The following AXDND1 variants were observed in gnomAD, a reference collection of about 807,000 sequenced individuals.
AXDND1 encodes axonemal dynein light chain domain-containing protein 1.
AXDND1 carries 110 observed loss-of-function variants against 137.5 expected under a neutral mutation model. That is an observed-to-expected ratio of 0.80 (90% confidence interval 0.69 to 0.94). AXDND1 has a LOEUF of 0.94. AXDND1 is among the 40% of genes least tolerant of loss of function. AXDND1 has a pLI of 0.00. For missense variants in AXDND1, 1,191 were observed against 1,169.8 expected (o/e 1.02, Z -0.26); for synonymous variants, 414 against 399.7 (o/e 1.04, Z -0.43).
At chr1:179,538,012 T>G (rs562632953) in intron 25 of AXDND1, among the ~76,000 whole-genome samples, 1 of 152,360 alleles carries the variant, frequency 6.6e-6, no homozygotes, top group African/African-American at 2.4e-5. Flanking sequence ...GATGGTAGTT[T>G]GTATTTCTGT....
intron 20 of AXDND1, among the ~76,000 whole-genome samples, chr1:179,501,323 T>C (rs866253183): frequency 1.3e-5 from 2 of 152,174 alleles, no homozygotes; most frequent in African/African-American, 4.8e-5. Context: ...TGGACAACTA[T>C]GTCAATGGAA....
Position 179,483,233 on chromosome 1 carries a change from TA to T in AXDND1, c.2091+14del. 1 of 1,567,638 alleles carries T rather than the reference TA, an allele frequency of 6.4e-7. No homozygotes were observed. The highest frequency in any genetic ancestry group is 8.7e-7 in the Non-Finnish European group (1 of 1,152,724). On this transcript the variant is annotated intron_variant, in intron 18 of 25. Transcript: ENST00000367618. ...AACTTCAGCACCACGTATGTACTTG[TA>T]AGGGTTTTTGACGTTATATTTTGCC...
intron 9 of AXDND1, among the ~76,000 whole-genome samples, chr1:179,385,669 C>T (rs1649082580): frequency 6.6e-6 from 1 of 152,146 alleles, no homozygotes; most frequent in Non-Finnish European, 1.5e-5. Context: ...CCATACAGGG[C>T]CATTGCGGGG....
intron 6 of AXDND1, among the ~76,000 whole-genome samples, chr1:179,381,343 ATT>A (rs34030931): frequency 5.9e-4 from 63 of 106,166 alleles, no homozygotes; most frequent in Non-Finnish European, 4.1e-4. Flanking sequence ...CACATGGCTG[ATT>A]TTTTTTTTTT....
chr1:179,510,785 G>A (rs1436468709), intron 21 of AXDND1, among the ~76,000 whole-genome samples: 2 of 152,082 alleles, frequency 1.3e-5, no homozygotes, highest in Middle Eastern at 3.2e-3. Flanking sequence ...GGTACAGGTG[G>A]TGTTTGGTTA....
intron 11 of AXDND1, 55 bp from the exon 12 acceptor site, chr1:179,411,091 G>T: frequency 7.5e-7 from 1 of 1,342,072 alleles, no homozygotes. Context: ...AAAAATATAT[G>T]TGTCTATATT....
At chr1:179,456,187 C>A in intron 16 of AXDND1, 3 of 741,362 alleles carry the variant, frequency 4.0e-6, no homozygotes, top group Middle Eastern at 4.0e-4. Flanking sequence ...CCTGTCACTT[C>A]TCTGGATCTC....
rs538209007 is a variant in AXDND1 at position 179,373,589 on chromosome 1, A to G, written c.374+3511A>G. Among the ~76,000 whole-genome samples the G allele has an allele frequency of 2.3e-3, 345 of 152,310 alleles. 1 individual carries two copies. The highest frequency in any genetic ancestry group is 7.4e-3 in the African/African-American group (306 of 41,566). ...TGACTTCAAACTATACTACAAGGCT[A>G]CAGTAACCAAAACAGCATGGTACTG... On this transcript the variant is annotated intron_variant, in intron 4 of 25. Transcript: ENST00000367618.
chr1:179,407,623 G>A (rs984268908), intron 11 of AXDND1, among the ~76,000 whole-genome samples: 1 of 152,088 alleles, frequency 6.6e-6, no homozygotes, highest in Admixed American at 6.5e-5. Flanking sequence ...ATTCCCTTAT[G>A]TGTAACTTGA....
In AXDND1 at chr1:179,528,309, C is replaced by A; in HGVS notation, c.2611-18C>A. On this transcript the variant is annotated intron_variant, in intron 22 of 25. Coordinates refer to ENST00000367618, the MANE Select transcript of AXDND1 (RefSeq NM_144696.6). Reference sequence around the variant, plus strand: ...CTACACCAGCTTGCTAACAGGTCCGCATGTTTCTGTGTTCTAGCAACCTTC... The same window carrying A: ...CTACACCAGCTTGCTAACAGGTCCGAATGTTTCTGTGTTCTAGCAACCTTC... 1 of 1,585,030 alleles carries A rather than the reference C, an allele frequency of 6.3e-7. No homozygotes were observed. The highest frequency in any genetic ancestry group is 1.3e-5 in the African/African-American group (1 of 74,318).
intron 25 of AXDND1, among the ~76,000 whole-genome samples, chr1:179,537,355 T>C (rs1671655023): frequency 2.0e-5 from 3 of 152,220 alleles, no homozygotes; most frequent in African/African-American, 4.8e-5. Context: ...ATAGCTCTTA[T>C]TATCTTGAGA....
At chr1:179,381,943 A>AC (rs768004608) in intron 6 of AXDND1, among the ~76,000 whole-genome samples, 5 of 105,434 alleles carry the variant, frequency 4.7e-5, no homozygotes, top group African/African-American at 7.4e-5. Flanking sequence ...ACCACACCTA[A>AC]TTTTTTTTTT....
intron 7 of AXDND1, 107 bp from the exon 8 acceptor site, chr1:179,383,335 T>C: frequency 1.3e-6 from 1 of 777,524 alleles, no homozygotes; most frequent in South Asian, 1.8e-5. Flanking sequence ...GCCATTAATA[T>C]CCCAGAGAGC....
At chr1:179,517,309 AAC>A (rs1234423635) in intron 21 of AXDND1, among the ~76,000 whole-genome samples, 1 of 152,116 alleles carries the variant, frequency 6.6e-6, no homozygotes, top group Non-Finnish European at 1.5e-5. Context: ...TGCCCCTACT[AAC>A]AGCCTTAAGG....
In AXDND1 at chr1:179,554,537, G is replaced by A. The variant is rs1334364659; in HGVS notation, c.*18G>A. 6.2e-7 allele frequency: 1 copy of A among 1,614,150 alleles called. No homozygotes were observed. Among genetic ancestry groups the A allele is most frequent in the Non-Finnish European group, 8.5e-7 (1 of 1,180,014 alleles). ...GTCACTGAATCCAAGGCAACCTGTG[G>A]AAAGAAGAATTCAGATGTCAGTGGG... On this transcript the variant is annotated 3_prime_UTR_variant, in exon 26 of 26. Coordinates refer to ENST00000367618, the MANE Select transcript of AXDND1 (RefSeq NM_144696.6).
chr1:179,494,432 AT>A (rs1667244711), intron 20 of AXDND1, among the ~76,000 whole-genome samples: 1 of 150,896 alleles, frequency 6.6e-6, no homozygotes, highest in Non-Finnish European at 1.5e-5. Flanking sequence ...TTTAGTATTG[AT>A]TTGTTTGTTT....
At chr1:179,380,207 C>T (rs929959228) in intron 6 of AXDND1, among the ~76,000 whole-genome samples, 1 of 151,684 alleles carries the variant, frequency 6.6e-6, no homozygotes, top group Admixed American at 6.6e-5. Flanking sequence ...TGAGATCGCG[C>T]CACTGCACTC....
chr1:179,468,573 A>G lies in AXDND1; in HGVS notation c.1929A>G (p.Lys643=). Residue 643 remains lysine (K), a synonymous_variant, in exon 17 of 26, where the codon AAA becomes AAG. Coordinates refer to ENST00000367618, the MANE Select transcript of AXDND1 (RefSeq NM_144696.6). ...QEIDEKINEM[K]SHLDILLNLT... is the part of the protein sequence containing the mutation. The stretch of plus-strand genomic sequence containing the variant: ...TAGATGAAAAAATTAATGAAATGAA[A>G]TCACACTTGGATATATTGTTAAACC... The G allele has an allele frequency of 6.2e-7, 1 of 1,613,132 alleles. No individual in the cohort carries two copies. The highest frequency in any genetic ancestry group is 1.7e-4 in the Middle Eastern group (1 of 5,822).
intron 16 of AXDND1, among the ~76,000 whole-genome samples, chr1:179,462,106 G>A (rs1662412960): frequency 6.6e-6 from 1 of 152,112 alleles, no homozygotes; most frequent in Non-Finnish European, 1.5e-5. Context: ...GTGAGAGAGG[G>A]CATCCTTGTC....
Sources: gnomAD v4.1 joint callset for allele counts (sites outside exome capture counted in the v4.1 genomes callset) on GRCh38, gnomAD v4.1.1 for gene constraint, MANE v1.5 for transcripts, NCBI Gene and HGNC (gene_info 2026-07-23, HGNC 2026-07-21) for gene names.